The following NOL8 variants were observed in gnomAD, a reference collection of about 807,000 sequenced individuals.
NOL8 encodes the protein nucleolar protein Nop132.
In NOL8, 93 loss-of-function variants were observed where a neutral mutation model predicts 116.1. The ratio of observed to expected loss-of-function variants is 0.80; its 90% CI spans 0.68 to 0.95. The LOEUF (loss-of-function observed/expected upper bound fraction) is 0.95. NOL8 is among the 40% of genes least tolerant of loss of function. The pLI, the probability that NOL8 is intolerant of heterozygous loss-of-function variation, is 0.00. For synonymous variants in NOL8, 419 were observed against 469.0 expected (o/e 0.89, Z 1.38); for missense variants, 1,291 against 1,382.8 (o/e 0.93, Z 1.05).
Position 92,314,972 on chromosome 9 carries a change from T to G in NOL8, c.1653A>C (p.Gly551=). 1.9e-6 allele frequency: 3 copies of G among 1,613,984 alleles called. No individual in the cohort carries two copies. Among genetic ancestry groups the G allele is most frequent in the Non-Finnish European group, 2.5e-6 (3 of 1,179,882 alleles). Residue 551 remains glycine (G), a synonymous_variant, in exon 7 of 17, where the codon GGA becomes GGC. Coordinates refer to ENST00000442668, the MANE Select transcript of NOL8 (RefSeq NM_017948.6). ...TCTGTTTGCCACAGGTGTTCTCCTCTCCTTCTAACAGGGAAGCCACAATCT... is the reference window on the plus strand; with the variant it reads ...TCTGTTTGCCACAGGTGTTCTCCTCGCCTTCTAACAGGGAAGCCACAATCT... ...PAEIVASLLE[G]EENTCGKQKP...
At chr9:92,303,562 C>T (rs141263509) in intron 12 of NOL8, among the ~76,000 whole-genome samples, 66 of 152,292 alleles carry the variant, frequency 4.3e-4, no homozygotes, top group African/African-American at 1.4e-3. Context: ...TATTTACTAT[C>T]TTGCCTGTCA....
In NOL8 at chr9:92,315,879, G is replaced by C; in HGVS notation, c.746C>G (p.Thr249Arg). ...PRRVIERPPL[T>R]QQQAAQKRTC... is the part of the protein sequence containing the mutation. ...TCTTTTTTGTGCAGCCTGTTGCTGTGTTAAGGGTGGTCTCTCTATTACCCT... is the reference window on the plus strand; with the variant it reads ...TCTTTTTTGTGCAGCCTGTTGCTGTCTTAAGGGTGGTCTCTCTATTACCCT... The change falls in exon 7 of 17, where the codon ACA (threonine) becomes AGA (arginine). Residue 249 changes from threonine (T) to arginine (R), a missense_variant. Transcript: ENST00000442668. 6.2e-7 allele frequency: 1 copy of C among 1,613,908 alleles called. No individual in the cohort carries two copies.
chr9:92,318,577 G>T, intron 6 of NOL8, 41 bp downstream of exon 6: 1 of 1,335,908 alleles, frequency 7.5e-7, no homozygotes, highest in Non-Finnish European at 1.1e-6. Context: ...ACAAGTATCC[G>T]TCACTGTGGT....
chr9:92,319,957 A>C, intron 4 of NOL8: 1 of 422,558 alleles, frequency 2.4e-6, no homozygotes, highest in African/African-American at 2.0e-5. Context: ...GCTCTGCTCC[A>C]GTGGATGTCC....
At chr9:92,298,421 C>T (rs770953695) in intron 15 of NOL8, 85 bp from the exon 16 acceptor site, 6 of 756,012 alleles carry the variant, frequency 7.9e-6, no homozygotes, top group East Asian at 5.7e-5. Flanking sequence ...ATCAAGGTCT[C>T]GAATACCAGT....
At chr9:92,311,328 C>A in intron 7 of NOL8, 69 bp from the exon 8 acceptor site, 3 of 1,085,296 alleles carry the variant, frequency 2.8e-6, no homozygotes, top group Admixed American at 4.5e-5. Flanking sequence ...GCAATTGCAA[C>A]AAAATCCAAA....
At position 92,316,098 on chromosome 9, in the gene NOL8, T is replaced by C; in HGVS notation, c.527A>G (p.Lys176Arg). Residue 176 changes from lysine (K) to arginine (R), a missense_variant, in exon 7 of 17, where the codon AAG becomes AGG. Lys to Arg is a conservative substitution (Grantham distance 26). Transcript: ENST00000442668. The stretch of plus-strand genomic sequence containing the variant: ...GTTTGAGAAATCCTCCCCTATCTTC[T>C]TCAGGTTGTGGCAGTATTTTGAGGG... ...YDPSKYCHNL[K>R]KIGEDFSNTI... 1 of 1,613,998 alleles carries C rather than the reference T, an allele frequency of 6.2e-7. No homozygotes were observed. Among genetic ancestry groups the C allele is most frequent in the Non-Finnish European group, 8.5e-7 (1 of 1,179,870 alleles).
chr9:92,298,375 A>G (rs375582698), intron 15 of NOL8, 39 bp from the exon 16 acceptor site: 21 of 1,312,296 alleles, frequency 1.6e-5, no homozygotes, highest in Non-Finnish European at 2.2e-5. Flanking sequence ...GCAGCAAACT[A>G]CTACTAAAAT....
chr9:92,323,787 A>G lies in NOL8; in HGVS notation c.139+236T>C, dbSNP rs1327433195. On this transcript the variant is annotated intron_variant, in intron 2 of 16. Coordinates refer to ENST00000442668, the MANE Select transcript of NOL8 (RefSeq NM_017948.6). The stretch of plus-strand genomic sequence containing the variant: ...CACTTAATCCATGTTAGAAAATTCT[A>G]GTTCTCAAAACTGGAAGTTAATATG... Among the ~76,000 whole-genome samples, 8 of 152,312 alleles carry G rather than the reference A, an allele frequency of 5.3e-5. 1 individual carries two copies. The Middle Eastern group carries it at 0.02, about 389-fold the overall frequency.
At chr9:92,298,004 C>G (rs1006007556) in intron 16 of NOL8, 118 bp from the exon 17 acceptor site, 1 of 900,846 alleles carries the variant, frequency 1.1e-6, no homozygotes, top group African/African-American at 1.7e-5. Flanking sequence ...TTTGAAAGTG[C>G]TCTTTTGAAA....
chr9:92,299,905 C>T lies in NOL8; in HGVS notation c.3287G>A (p.Arg1096Lys). 6.2e-7 allele frequency: 1 copy of T among 1,613,488 alleles called. No individual in the cohort carries two copies. The highest frequency in any genetic ancestry group is 8.5e-7 in the Non-Finnish European group (1 of 1,179,596). Residue 1096 changes from arginine (R) to lysine (K), a missense_variant, in exon 14 of 17, where the codon AGA becomes AAA. Arg to Lys is a conservative substitution (Grantham distance 26). Transcript: ENST00000442668. ...AATTGTTTACCCAGGACTGGAGTTT[C>T]TGTGATCTGTTTCTTCAGTAACATC... ...EEDVTEETDHRNSSPGEASLL... is the reference protein window; with the variant it reads ...EEDVTEETDHKNSSPGEASLL...
At position 92,314,452 on chromosome 9, in the gene NOL8, T is replaced by G. The variant is rs1839167124; in HGVS notation, c.2173A>C (p.Lys725Gln). The G allele has an allele frequency of 6.2e-7, 1 of 1,612,742 alleles. No homozygotes were observed. The highest frequency in any genetic ancestry group is 1.3e-5 in the African/African-American group (1 of 74,900). Residue 725 changes from lysine (K) to glutamine (Q), a missense_variant, in exon 7 of 17, where the codon AAG becomes CAG. Coordinates refer to ENST00000442668, the MANE Select transcript of NOL8 (RefSeq NM_017948.6). ...TCCCGAGTGTCCTTGGATGAGACCT[T>G]TGGTGATTTCTTGAGAGATGTGAGG... is the stretch of plus-strand genomic sequence containing the variant. ...SGLTSLKKSP[K>Q]VSSKDTREIK...
Position 92,314,673 on chromosome 9 carries a change from A to T in NOL8, c.1952T>A (p.Phe651Tyr), listed in dbSNP as rs1405613763. ...CACTGCCTTGCGATCCTGGCTTTCA[A>T]AAGTGGTCTGTCTTTTTTGAGGCTG... is the stretch of plus-strand genomic sequence containing the variant. ...YIQPQKRQTT[F>Y]ESQDRKAVSP... Residue 651 changes from phenylalanine to tyrosine, a missense_variant, in exon 7 of 17, where the codon TTT becomes TAT. Physicochemically the swap from Phe to Tyr is conservative, Grantham distance 22. Transcript: ENST00000442668. 1.2e-6 allele frequency: 2 copies of T among 1,613,696 alleles called. No homozygotes were observed. Among genetic ancestry groups the T allele is most frequent in the African/African-American group, 1.3e-5 (1 of 75,058 alleles).
chr9:92,321,075 C>T (rs1388614556), intron 4 of NOL8, among the ~76,000 whole-genome samples: 3 of 152,184 alleles, frequency 2.0e-5, no homozygotes, highest in Non-Finnish European at 4.4e-5. Context: ...ACAGTGATCT[C>T]CTATTTCCTT....
At chr9:92,321,815 A>G (rs956837038) in intron 3 of NOL8, 69 bp from the exon 4 acceptor site, 17 of 787,254 alleles carry the variant, frequency 2.2e-5, no homozygotes, top group Non-Finnish European at 3.0e-5. Context: ...GCTTTTTCTA[A>G]TTATTTAGTA....
intron 6 of NOL8, among the ~76,000 whole-genome samples, chr9:92,318,121 G>A (rs577992162): frequency 6.7e-6 from 1 of 150,212 alleles, no homozygotes; most frequent in Non-Finnish European, 1.5e-5. Flanking sequence ...AGGTCTTCAA[G>A]GTCTTAGACA....
chr9:92,308,214 C>T (rs960404943), intron 10 of NOL8, among the ~76,000 whole-genome samples: 1 of 152,100 alleles, frequency 6.6e-6, no homozygotes, highest in Non-Finnish European at 1.5e-5. Flanking sequence ...CACAGCGAGA[C>T]CCTGTCTCTA....
In NOL8 at chr9:92,318,496, GAA is replaced by G; in HGVS notation, c.486+120_486+121del. 5 of 720,164 alleles carry G rather than the reference GAA, an allele frequency of 6.9e-6. No homozygotes were observed. The South Asian group carries it at 8.7e-5, about 13-fold the overall frequency. The allele number at this position is 720,164 out of a possible 1,614,324, so 44.6% of individuals were successfully genotyped here. Reference sequence around the variant, plus strand: ...TTTCATACATGTAGGTGAGTACCAAGAAACTGGGAACACGCAAACAAACACCT... The same window carrying G: ...TTTCATACATGTAGGTGAGTACCAAGACTGGGAACACGCAAACAAACACCT... On this transcript the variant is annotated intron_variant, in intron 6 of 16. Transcript: ENST00000442668.
chr9:92,309,159 C>T (rs979126286), intron 10 of NOL8, among the ~76,000 whole-genome samples: 1 of 152,196 alleles, frequency 6.6e-6, no homozygotes, highest in African/African-American at 2.4e-5. Context: ...TTTTAAAACT[C>T]TCTGAACCTT....
Sources: gnomAD v4.1 joint callset for allele counts (sites outside exome capture counted in the v4.1 genomes callset) on GRCh38, gnomAD v4.1.1 for gene constraint, MANE v1.5 for transcripts, NCBI Gene and HGNC (gene_info 2026-07-23, HGNC 2026-07-21) for gene names.